Variants in FBXL13 observed in about 807,000 individuals in gnomAD.
The protein encoded by FBXL13 is F-box and leucine rich repeat protein 13.
Under a neutral mutation model 83.6 loss-of-function variants are expected in FBXL13, and 67 were observed. The observed-to-expected ratio is 0.80, with a 90% CI of 0.66 to 0.98. The LOEUF is 0.98. Among genes scored for constraint, FBXL13 ranks in the 50% least tolerant of loss-of-function variants. The pLI, the probability that FBXL13 is intolerant of heterozygous loss-of-function variation, is 0.00. For synonymous variants in FBXL13, 272 were observed against 299.5 expected (o/e 0.91, Z 0.95); for missense variants, 822 against 866.5 (o/e 0.95, Z 0.64).
At chr7:103,064,603 T>C (rs1225675693) in intron 1 of FBXL13, among the ~76,000 whole-genome samples, 2 of 152,248 alleles carry the variant, frequency 1.3e-5, no homozygotes, top group Non-Finnish European at 2.9e-5. Flanking sequence ...AAGCCAAGTA[T>C]GGCAGATTAT....
intron 3 of FBXL13, among the ~76,000 whole-genome samples, chr7:103,029,101 AAACT>A (rs142759870): frequency 0.058 from 8,785 of 152,112 alleles, 300 homozygotes; most frequent in South Asian, 0.11. Context: ...GTGGACTGTG[AAACT>A]AACTATATTT....
intron 10 of FBXL13, among the ~76,000 whole-genome samples, chr7:102,925,362 T>C (rs1443990831): frequency 6.6e-6 from 1 of 152,178 alleles, no homozygotes; most frequent in Non-Finnish European, 1.5e-5. Context: ...ACCATTGCAT[T>C]GCAGCCTGGG....
intron 8 of FBXL13, among the ~76,000 whole-genome samples, chr7:102,945,226 A>G (rs1302439121): frequency 6.6e-6 from 1 of 152,248 alleles, no homozygotes; most frequent in Non-Finnish European, 1.5e-5. Flanking sequence ...TGTGAGAATT[A>G]CATTGGAAGC....
chr7:102,855,478 C>T (rs374522901), intron 16 of FBXL13, among the ~76,000 whole-genome samples: 6 of 152,036 alleles, frequency 3.9e-5, no homozygotes, highest in Admixed American at 3.3e-4. Flanking sequence ...TTTCTCAGTA[C>T]TTTTTCCCCA....
At chr7:102,910,050 T>C (rs2411057) in intron 11 of FBXL13, among the ~76,000 whole-genome samples, 4,411 of 152,250 alleles carry the variant, frequency 0.029, 188 homozygotes, top group East Asian at 0.16. Context: ...GTGAGGTTTG[T>C]AGAACTCAAG....
At chr7:103,010,394 G>A (rs1270365375) in intron 6 of FBXL13, among the ~76,000 whole-genome samples, 1 of 151,140 alleles carries the variant, frequency 6.6e-6, no homozygotes, top group East Asian at 2.0e-4. Flanking sequence ...CAGACCAGCA[G>A]TCCTACTTCT....
At chr7:102,934,319 C>T (rs753757547) in intron 8 of FBXL13, 10 of 1,614,032 alleles carry the variant, frequency 6.2e-6, no homozygotes, top group South Asian at 4.4e-5. Flanking sequence ...CACCCTCTTA[C>T]TGCAGCACAA....
intron 17 of FBXL13, among the ~76,000 whole-genome samples, chr7:102,841,318 A>G (rs1049563989): frequency 1.3e-5 from 2 of 152,108 alleles, no homozygotes; most frequent in African/African-American, 4.8e-5. Flanking sequence ...GGGGCAGCTT[A>G]AAGAGTGGGA....
chr7:102,964,406 T>TA (rs375876058), intron 7 of FBXL13, among the ~76,000 whole-genome samples: 14,507 of 125,876 alleles, frequency 0.12, 792 homozygotes, highest in Middle Eastern at 0.15. Flanking sequence ...ATATATATAT[T>TA]TTTTTTTTTT....
chr7:103,014,907 G>C (rs1185867092), intron 6 of FBXL13, among the ~76,000 whole-genome samples: 4 of 139,620 alleles, frequency 2.9e-5, no homozygotes, highest in Non-Finnish European at 6.1e-5. Flanking sequence ...CTGGGCGACA[G>C]GGAGACTCCG....
intron 6 of FBXL13, among the ~76,000 whole-genome samples, chr7:103,013,247 A>C (rs998242069): frequency 6.6e-6 from 1 of 152,220 alleles, no homozygotes; most frequent in Admixed American, 6.5e-5. Context: ...AACTAACGCA[A>C]GTATTCAGGA....
At chr7:103,069,351 G>A (rs1457926135) in intron 1 of FBXL13, among the ~76,000 whole-genome samples, 1 of 152,218 alleles carries the variant, frequency 6.6e-6, no homozygotes, top group Non-Finnish European at 1.5e-5. Flanking sequence ...GCAGCCTTGT[G>A]TGTGATTTTT....
intron 16 of FBXL13, among the ~76,000 whole-genome samples, chr7:102,860,967 G>T (rs1221600412): frequency 6.7e-6 from 1 of 150,240 alleles, no homozygotes; most frequent in Non-Finnish European, 1.5e-5. Flanking sequence ...CATATGCATA[G>T]TTTATATATA....
intron 6 of FBXL13, among the ~76,000 whole-genome samples, chr7:102,982,666 A>G (rs1225971856): frequency 6.6e-6 from 1 of 152,176 alleles, no homozygotes; most frequent in African/African-American, 2.4e-5. Flanking sequence ...CCTCTGCACA[A>G]GCTCTCTTGC....
intron 8 of FBXL13, among the ~76,000 whole-genome samples, chr7:102,963,268 C>T (rs1395520632): frequency 6.6e-6 from 1 of 151,462 alleles, no homozygotes; most frequent in Non-Finnish European, 1.5e-5. Flanking sequence ...TTACAGTGAG[C>T]CAAGATCGCA....
chr7:103,042,478 A>G (rs892499823), intron 2 of FBXL13, among the ~76,000 whole-genome samples: 2 of 152,180 alleles, frequency 1.3e-5, no homozygotes, highest in African/African-American at 4.8e-5. Context: ...AACTACTTTA[A>G]AGTTCATATG....
exon 19 of FBXL13, chr7:102,822,106 T>G (rs770135400): frequency 3.1e-6 from 5 of 1,614,118 alleles, no homozygotes; most frequent in Non-Finnish European, 3.4e-6. Flanking sequence ...CTGAAGGTCC[T>G]CAAGGATTTG....
chr7:102,942,315 T>C, intron 8 of FBXL13: 2 of 1,595,320 alleles, frequency 1.3e-6, no homozygotes, highest in Admixed American at 1.7e-5. Context: ...ACCCTGCAAG[T>C]AGACTTACGT....
intron 17 of FBXL13, among the ~76,000 whole-genome samples, chr7:102,836,560 C>A (rs993672083): frequency 2.6e-5 from 4 of 152,186 alleles, no homozygotes; most frequent in Non-Finnish European, 5.9e-5. Context: ...AAGTCAAAAT[C>A]TTTTACAGTA....
Sources: allele counts gnomAD v4.1 joint callset (sites outside exome capture counted in the v4.1 genomes callset), GRCh38; gene constraint gnomAD v4.1.1; transcripts MANE v1.5; gene names NCBI Gene and HGNC (gene_info 2026-07-23, HGNC 2026-07-21).